The following CNTN3 variants were observed in gnomAD, a reference collection of about 807,000 sequenced individuals.
CNTN3 encodes contactin-3.
Under a neutral mutation model 119.1 loss-of-function variants are expected in CNTN3, and 60 were observed. The observed-to-expected ratio is 0.50, with a 90% confidence interval of 0.41 to 0.62. CNTN3 has a LOEUF of 0.62. Ranked by LOEUF, CNTN3 falls within the 20% of genes least tolerant of loss-of-function variation. The pLI is 0.00. For missense variants in CNTN3, 1,101 were observed against 1,242.4 expected (o/e 0.89, Z 1.71); for synonymous variants, 450 against 438.7 (o/e 1.03, Z -0.32).
At chr3:74,404,138 G>A (rs182522393) in intron 5 of CNTN3, among the ~76,000 whole-genome samples, 314 of 151,972 alleles carry the variant, frequency 2.1e-3, no homozygotes, top group Non-Finnish European at 3.7e-3. Context: ...CTTTGAATAC[G>A]GTAGGATCAA....
At chr3:74,266,460 T>A (rs766545517) in intron 22 of CNTN3, 21 bp downstream of exon 22, 6 of 1,609,330 alleles carry the variant, frequency 3.7e-6, no homozygotes, top group Non-Finnish European at 5.1e-6. Context: ...ATAAAGTAAA[T>A]AATGGCTTCA....
chr3:74,327,190 G>A (rs150819238), intron 13 of CNTN3, among the ~76,000 whole-genome samples: 1,627 of 144,506 alleles, frequency 0.011, 14 homozygotes, highest in Middle Eastern at 0.02. Flanking sequence ...GTGCAATGGC[G>A]CAATCTCAGC....
intron 8 of CNTN3, among the ~76,000 whole-genome samples, chr3:74,366,807 T>TATATATATAA (rs1287883934): frequency 7.5e-6 from 1 of 132,676 alleles, no homozygotes; most frequent in Non-Finnish European, 1.6e-5. Flanking sequence ...TATATATATA[T>TATATATATAA]AACTTGCTCA....
chr3:74,426,095 A>T (rs567946156), intron 4 of CNTN3, among the ~76,000 whole-genome samples: 28 of 152,298 alleles, frequency 1.8e-4, no homozygotes, highest in African/African-American at 6.5e-4. Flanking sequence ...GCAAATACTG[A>T]TTCATTCTTT....
chr3:74,493,029 G>A (rs777770975), intron 3 of CNTN3, among the ~76,000 whole-genome samples: 3 of 152,062 alleles, frequency 2.0e-5, no homozygotes, highest in East Asian at 3.9e-4. Flanking sequence ...TAGTCTTCAC[G>A]GACTGTGGTC....
intron 2 of CNTN3, among the ~76,000 whole-genome samples, chr3:74,518,468 G>A (rs914874620): frequency 2.0e-5 from 3 of 151,860 alleles, no homozygotes; most frequent in Non-Finnish European, 4.4e-5. Context: ...ATTACACTGT[G>A]TACAAATACT....
intron 1 of CNTN3, among the ~76,000 whole-genome samples, chr3:74,570,941 A>C (rs765603690): frequency 6.6e-6 from 1 of 152,194 alleles, no homozygotes; most frequent in African/African-American, 2.4e-5. Flanking sequence ...TAATCTGTAG[A>C]CTTCACTTTT....
chr3:74,482,661 T>C (rs1702782711), intron 4 of CNTN3, among the ~76,000 whole-genome samples: 1 of 152,072 alleles, frequency 6.6e-6, no homozygotes, highest in Non-Finnish European at 1.5e-5. Context: ...ACAAAGAAGT[T>C]ATGGCTAATC....
At chr3:74,573,594 C>T (rs1704368622) in intron 1 of CNTN3, among the ~76,000 whole-genome samples, 2 of 151,580 alleles carry the variant, frequency 1.3e-5, no homozygotes, top group African/African-American at 4.9e-5. Context: ...TATATTGCAA[C>T]AATAAAAAGA....
chr3:74,370,057 A>C, intron 6 of CNTN3, 66 bp from the exon 7 acceptor site: 1 of 902,154 alleles, frequency 1.1e-6, no homozygotes, highest in South Asian at 1.6e-5. Flanking sequence ...GTTTTTCTTA[A>C]ATAAAACTTT....
intron 13 of CNTN3, among the ~76,000 whole-genome samples, chr3:74,323,615 A>C (rs1703051024): frequency 6.6e-6 from 1 of 152,226 alleles, no homozygotes; most frequent in African/African-American, 2.4e-5. Context: ...TCACATCTCA[A>C]TAAAGCCATT....
rs1241293506 is a variant in CNTN3, at chr3:74,301,546, C to T, written c.1947G>A (p.Val649=). The T allele has an allele frequency of 6.2e-7, 1 of 1,613,692 alleles. No homozygotes were observed. The highest frequency in any genetic ancestry group is 8.5e-7 in the Non-Finnish European group (1 of 1,179,798). ...GCGTCTTCCCATCGATGACCTCAGG[C>T]ACTACAAAGGAATATTTCAGAGGTA... ...FSVGWQTVTT[V]PEVIDGKTHT... The change falls in exon 16 of 23, where the codon GTG becomes GTA. Residue 649 remains valine, a splice_region_variant and synonymous_variant. Coordinates refer to ENST00000263665, the MANE Select transcript of CNTN3 (RefSeq NM_020872.3).
intron 1 of CNTN3, among the ~76,000 whole-genome samples, chr3:74,552,479 G>C (rs1384172091): frequency 2.0e-5 from 3 of 152,128 alleles, no homozygotes; most frequent in Non-Finnish European, 2.9e-5. Context: ...CTGTGTTTTG[G>C]ATTGTGGCCA....
chr3:74,587,334 T>A (rs1003818135), intron 1 of CNTN3, among the ~76,000 whole-genome samples: 3 of 152,110 alleles, frequency 2.0e-5, no homozygotes, highest in African/African-American at 7.2e-5. Flanking sequence ...TCCATAAGAC[T>A]GTTTTTGGGC....
chr3:74,296,653 G>A (rs930244711), intron 18 of CNTN3, among the ~76,000 whole-genome samples: 4 of 152,162 alleles, frequency 2.6e-5, no homozygotes, highest in African/African-American at 7.2e-5. Context: ...GATATATTTC[G>A]TGAGCTCAGA....
intron 4 of CNTN3, among the ~76,000 whole-genome samples, chr3:74,429,402 A>G (rs1701747351): frequency 6.6e-6 from 1 of 151,460 alleles, no homozygotes; most frequent in African/African-American, 2.4e-5. Flanking sequence ...AAATGGGCTC[A>G]GCTGATTTTT....
At chr3:74,513,966 C>CT (rs1009124878) in intron 2 of CNTN3, among the ~76,000 whole-genome samples, 135 of 142,068 alleles carry the variant, frequency 9.5e-4, no homozygotes, top group African/African-American at 2.1e-3. Flanking sequence ...ATTTTTTTGA[C>CT]TTTTTTTTTT....
intron 5 of CNTN3, among the ~76,000 whole-genome samples, chr3:74,417,639 C>G (rs1458758930): frequency 6.6e-6 from 1 of 152,300 alleles, no homozygotes; most frequent in East Asian, 1.9e-4. Context: ...CATTCAGGCA[C>G]TTTGGAGAAC....
chr3:74,469,871 TA>T (rs905563470), intron 4 of CNTN3, among the ~76,000 whole-genome samples: 4 of 152,072 alleles, frequency 2.6e-5, no homozygotes, highest in African/African-American at 7.2e-5. Context: ...CTAACAGTAA[TA>T]AAAAAATATT....
Sources: allele counts gnomAD v4.1 joint callset (sites outside exome capture counted in the v4.1 genomes callset), GRCh38; gene constraint gnomAD v4.1.1; transcripts MANE v1.5; gene names NCBI Gene and HGNC (gene_info 2026-07-23, HGNC 2026-07-21).